The following SMC2 variants were observed in gnomAD, a reference collection of about 807,000 sequenced individuals.
SMC2 encodes the protein structural maintenance of chromosomes protein 2.
A neutral mutation model predicts 142.6 loss-of-function variants in SMC2; 41 were observed. The observed-to-expected ratio is 0.29, with a 90% CI of 0.22 to 0.37. The LOEUF is 0.37. Among genes scored for constraint, SMC2 ranks in the 10% least tolerant of loss-of-function variants. The probability of loss-of-function intolerance (pLI) is 1.00; values close to 1 mark genes in which losing one functional copy is unlikely to be tolerated. For missense variants in SMC2, 1,265 were observed against 1,373.7 expected (o/e 0.92, Z 1.25); for synonymous variants, 463 against 457.5 (o/e 1.01, Z -0.15).
At chr9:104,100,526 G>A in intron 7 of SMC2, 93 bp downstream of exon 7, 1 of 842,832 alleles carries the variant, frequency 1.2e-6, no homozygotes, top group South Asian at 1.6e-5. Flanking sequence ...CTATTTCTTG[G>A]GGGTTTTTTT....
chr9:104,119,243 A>G (rs1404778910), intron 15 of SMC2, among the ~76,000 whole-genome samples: 1 of 152,240 alleles, frequency 6.6e-6, no homozygotes, highest in Non-Finnish European at 1.5e-5. Flanking sequence ...TGTCTACAAG[A>G]GAAGAAACTT....
rs1564127043 is a variant in SMC2, at chr9:104,139,954, A to G, written c.*639A>G. On this transcript the variant is annotated 3_prime_UTR_variant, in exon 25 of 25. Coordinates refer to ENST00000374793, the MANE Select transcript of SMC2 (RefSeq NM_006444.3). ...TACGTTTTAATGATACATGAATATCATGTTCCTATACGCTTAATAATTGGT... is the reference window on the plus strand; with the variant it reads ...TACGTTTTAATGATACATGAATATCGTGTTCCTATACGCTTAATAATTGGT... 3 of 151,738 alleles carry G rather than the reference A, an allele frequency of 2.0e-5. No individual in the cohort carries two copies. The highest frequency in any genetic ancestry group is 2.1e-4 in the South Asian group (1 of 4,824). 9.4% of individuals were successfully genotyped at this position (151,738 alleles called of 1,614,324 possible).
At chr9:104,119,578 A>T (rs974981050) in intron 15 of SMC2, among the ~76,000 whole-genome samples, 4 of 152,142 alleles carry the variant, frequency 2.6e-5, no homozygotes, top group African/African-American at 9.7e-5. Flanking sequence ...GCTCAGTGCT[A>T]TTCTCATTCT....
Position 104,117,835 on chromosome 9 carries a change from A to G in SMC2, c.1792-336A>G, listed in dbSNP as rs147519188. ...AAGCATTTAGGATAAAGGATACTCA[A>G]TCTGTACTATAATTAAAGTTGTGTC... On this transcript the variant is annotated intron_variant, in intron 14 of 24. Coordinates refer to ENST00000374793, the MANE Select transcript of SMC2 (RefSeq NM_006444.3). Among the ~76,000 whole-genome samples the G allele has an allele frequency of 1.6e-3, 242 of 152,320 alleles. 1 individual carries two copies. The highest frequency in any genetic ancestry group is 0.012 in the South Asian group (60 of 4,828).
rs1835947177 is a variant in SMC2, at chr9:104,140,222, TA to T, written c.*908del. ...TGAGTCTGATATATATATGTATAAA[TA>T]TAAATAACTCAATCCATCTGTTCCA... On this transcript the variant is annotated 3_prime_UTR_variant, in exon 25 of 25. Transcript: ENST00000374793. 1 of 152,140 alleles carries T rather than the reference TA, an allele frequency of 6.6e-6. No individual in the cohort carries two copies. Among genetic ancestry groups the T allele is most frequent in the Non-Finnish European group, 1.5e-5 (1 of 67,998 alleles). 9.4% of individuals were successfully genotyped at this position (152,140 alleles called of 1,614,324 possible). A position where few individuals can be genotyped will look rare whatever the true frequency, so the allele number is the denominator to read the frequency against.
rs1833354584 is a variant in SMC2, at chr9:104,118,280, A to G, written c.1901A>G (p.Asp634Gly). The change falls in exon 15 of 25, where the codon GAT becomes GGT. Residue 634 changes from aspartate to glycine, a missense_variant. Physicochemically the swap from Asp to Gly is moderately conservative, Grantham distance 94. Around this residue, in one of 4 missense-constraint regions of SMC2, gnomAD observed 898 missense variants for 904.2 expected, o/e 0.99. Transcript: ENST00000374793. The part of the protein sequence containing the change: ...FGTTFVCDNM[D>G]NAKKVAFDKR... The stretch of plus-strand genomic sequence containing the variant: ...ACAACATTTGTTTGTGACAATATGG[A>G]TAATGCCAAAAAAGTGGCCTTTGAT... The G allele has an allele frequency of 6.2e-7, 1 of 1,613,674 alleles. No homozygotes were observed. Among genetic ancestry groups the G allele is most frequent in the Non-Finnish European group, 8.5e-7 (1 of 1,179,786 alleles).
rs1564086005 is a variant in SMC2, at chr9:104,111,829, T to G, written c.1254+15T>G. ...AAGCCAAACAGGTAAATAGAGACAT[T>G]AGCACTATGTGATTGCTTTTTTTTC... On this transcript the variant is annotated intron_variant, in intron 10 of 24. Transcript: ENST00000374793. 1 of 1,544,174 alleles carries G rather than the reference T, an allele frequency of 6.5e-7. No individual in the cohort carries two copies. The highest frequency in any genetic ancestry group is 8.8e-7 in the Non-Finnish European group (1 of 1,131,106).
At chr9:104,110,602 A>G (rs1832325427) in intron 9 of SMC2, among the ~76,000 whole-genome samples, 2 of 69,374 alleles carry the variant, frequency 2.9e-5, no homozygotes, top group African/African-American at 1.6e-4. Flanking sequence ...GATCAACTAA[A>G]TAATTGAATC....
chr9:104,107,344 A>G (rs1831924278), intron 9 of SMC2, among the ~76,000 whole-genome samples: 1 of 152,186 alleles, frequency 6.6e-6, no homozygotes, highest in Non-Finnish European at 1.5e-5. Flanking sequence ...CTTAAAGTTC[A>G]ACTTAGAAGA....
intron 15 of SMC2, 32 bp downstream of exon 15, chr9:104,118,407 C>A (rs202014345): frequency 2.6e-6 from 4 of 1,554,176 alleles, no homozygotes; most frequent in African/African-American, 1.4e-5. Flanking sequence ...CCTCACAATT[C>A]TTTGTGGTAA....
rs771357122 is a variant in SMC2, at chr9:104,098,575, C to T, written c.441+7C>T. 6.3e-6 allele frequency: 10 copies of T among 1,581,188 alleles called. No homozygotes were observed. The highest frequency in any genetic ancestry group is 6.0e-5 in the South Asian group (5 of 83,990). On this transcript the variant is annotated splice_region_variant and intron_variant, in intron 4 of 24. Coordinates refer to ENST00000374793, the MANE Select transcript of SMC2 (RefSeq NM_006444.3). The stretch of plus-strand genomic sequence containing the variant: ...TCACTTTCTCATCATGCAGGTATTT[C>T]GTTTGAGGTCTTTATATCACTTTCG...
intron 16 of SMC2, 59 bp downstream of exon 16, chr9:104,120,221 ATTTACT>A: frequency 2.1e-6 from 3 of 1,409,552 alleles, no homozygotes; most frequent in South Asian, 1.4e-5. Flanking sequence ...ATGATAGAAA[ATTTACT>A]TTTATTTCAA....
chr9:104,095,620 A>T, intron 2 of SMC2, 68 bp downstream of exon 2: 1 of 1,245,950 alleles, frequency 8.0e-7, no homozygotes, highest in Non-Finnish European at 1.2e-6. Flanking sequence ...AACTTTGGAG[A>T]CGTCCCGATA....
At position 104,106,767 on chromosome 9, in the gene SMC2, A is replaced by G. The variant is rs1039656045; in HGVS notation, c.1020+4194A>G. On this transcript the variant is annotated intron_variant, in intron 9 of 24. Transcript: ENST00000374793. Reference sequence around the variant, plus strand: ...TGACCAGATGACTAGGCTGTTGGCAATAGCCTATGAGTTGGTGAAATGTAG... The same window carrying G: ...TGACCAGATGACTAGGCTGTTGGCAGTAGCCTATGAGTTGGTGAAATGTAG... Among the ~76,000 whole-genome samples, 7 of 152,288 alleles carry G rather than the reference A, an allele frequency of 4.6e-5. No individual in the cohort carries two copies. The South Asian group carries it at 1.0e-3, about 23-fold the overall frequency.
chr9:104,114,922 CT>C (rs1832912208), intron 13 of SMC2, 93 bp downstream of exon 13: 2 of 1,085,326 alleles, frequency 1.8e-6, no homozygotes, highest in South Asian at 3.4e-5. Flanking sequence ...TGTTTTAAGG[CT>C]CTCCCCTAAG....
chr9:104,112,658 G>A (rs1832607044), intron 10 of SMC2, among the ~76,000 whole-genome samples: 1 of 151,948 alleles, frequency 6.6e-6, no homozygotes, highest in South Asian at 2.1e-4. Context: ...ATTTTATAAG[G>A]GAACTGGGAA....
intron 6 of SMC2, 49 bp downstream of exon 6, chr9:104,100,252 T>A (rs774933414): frequency 2.1e-6 from 3 of 1,441,630 alleles, no homozygotes; most frequent in Non-Finnish European, 2.8e-6. Context: ...TAATTTTGCA[T>A]GTAGAGTTTT....
intron 13 of SMC2, 72 bp from the exon 14 acceptor site, chr9:104,116,128 T>TACTAA: frequency 7.4e-7 from 1 of 1,347,000 alleles, no homozygotes; most frequent in Non-Finnish European, 1.0e-6. Flanking sequence ...TATTATAGAC[T>TACTAA]ACTAAACTTG....
intron 21 of SMC2, 68 bp from the exon 22 acceptor site, chr9:104,131,941 C>T: frequency 2.5e-6 from 2 of 814,668 alleles, no homozygotes; most frequent in Admixed American, 2.4e-5. Context: ...CTGTTTATTT[C>T]TGACCAAATT....
Sources: gnomAD v4.1 joint callset for allele counts (sites outside exome capture counted in the v4.1 genomes callset) on GRCh38, gnomAD v4.1.1 for gene constraint, gnomAD v4.1.1 regional missense constraint, MANE v1.5 for transcripts, NCBI Gene and HGNC (gene_info 2026-07-23, HGNC 2026-07-21) for gene names.